DPYD: variants seen among roughly 807,000 people sequenced by gnomAD.
The protein encoded by DPYD is dihydropyrimidine dehydrogenase.
A neutral mutation model predicts 116.2 loss-of-function variants in DPYD; 109 were observed. That is an observed-to-expected ratio of 0.94 (90% CI 0.80 to 1.10). DPYD has a LOEUF of 1.10. Among genes scored for constraint, DPYD ranks in the 50% least tolerant of loss-of-function variants. The probability of loss-of-function intolerance (pLI) is 0.00; values close to 1 mark genes in which losing one functional copy is unlikely to be tolerated. For missense variants in DPYD, 1,302 were observed against 1,254.5 expected (o/e 1.04, Z -0.57); for synonymous variants, 440 against 432.0 (o/e 1.02, Z -0.23).
At chr1:97,358,563 C>T (rs918648370) in intron 16 of DPYD, among the ~76,000 whole-genome samples, 1 of 152,154 alleles carries the variant, frequency 6.6e-6, no homozygotes, top group African/African-American at 2.4e-5. Flanking sequence ...GGCCGACAGA[C>T]ACCACATATA....
rs1672373613 is a variant in DPYD, at chr1:97,884,191, T to G, written c.40-817A>C. Among the ~76,000 whole-genome samples, 4 of 152,022 alleles carry G rather than the reference T, an allele frequency of 2.6e-5. No homozygotes were observed. In the South Asian group the frequency reaches 8.3e-4, roughly 32 times the overall value. On this transcript the variant is annotated intron_variant, in intron 1 of 22. Transcript: ENST00000370192. ...AATTGTTATTGTATTTTCTACTAAT[T>G]AGCCAGAAGCAATTCTTGACCAGAA...
intron 21 of DPYD, among the ~76,000 whole-genome samples, chr1:97,095,725 T>C (rs1362107070): frequency 6.6e-6 from 1 of 152,076 alleles, no homozygotes; most frequent in Non-Finnish European, 1.5e-5. Context: ...TTATTTGTTA[T>C]AACAGATTTA....
intron 18 of DPYD, among the ~76,000 whole-genome samples, chr1:97,299,131 G>A (rs1445145340): frequency 1.3e-5 from 2 of 152,150 alleles, no homozygotes; most frequent in South Asian, 2.1e-4. Context: ...AGCCACTGAC[G>A]TGTACCTACA....
chr1:97,689,612 T>C lies in DPYD; in HGVS notation c.762+2105A>G, dbSNP rs184964694. Among the ~76,000 whole-genome samples, 109 of 152,122 alleles carry C rather than the reference T, an allele frequency of 7.2e-4. 1 individual carries two copies. The highest frequency in any genetic ancestry group is 7.1e-3 in the Admixed American group (109 of 15,276). ...GTCAAACAGTATGAACCCACAAAAA[T>C]AGTTCATTTCATTGCCAGGAAATTA... On this transcript the variant is annotated intron_variant, in intron 7 of 22. Transcript: ENST00000370192.
At chr1:97,616,848 TTAGA>T (rs2100760590) in intron 8 of DPYD, among the ~76,000 whole-genome samples, 1 of 152,318 alleles carries the variant, frequency 6.6e-6, no homozygotes, top group Non-Finnish European at 1.5e-5. Context: ...CCTAAGATTA[TTAGA>T]GTAGTGATTT....
intron 4 of DPYD, among the ~76,000 whole-genome samples, chr1:97,740,189 A>G (rs1198378168): frequency 2.0e-5 from 3 of 152,178 alleles, no homozygotes; most frequent in African/African-American, 7.2e-5. Flanking sequence ...TCAAAACAAA[A>G]AACAATGAAC....
chr1:97,649,032 G>A (rs1015803774), intron 8 of DPYD, among the ~76,000 whole-genome samples: 5 of 151,900 alleles, frequency 3.3e-5, no homozygotes, highest in Admixed American at 3.3e-4. Context: ...TTAGTAAGAA[G>A]AACAAATCTC....
At chr1:97,315,224 G>T (rs904752540) in intron 16 of DPYD, among the ~76,000 whole-genome samples, 1 of 151,936 alleles carries the variant, frequency 6.6e-6, no homozygotes, top group African/African-American at 2.4e-5. Context: ...GGAGTGTGGT[G>T]AGCTGACTGC....
chr1:97,412,261 C>T (rs1215468946), intron 14 of DPYD, among the ~76,000 whole-genome samples: 2 of 152,188 alleles, frequency 1.3e-5, no homozygotes, highest in South Asian at 2.1e-4. Flanking sequence ...GAAGATAATA[C>T]ACTGAAGGCT....
At chr1:97,409,317 A>G (rs1673848798) in intron 14 of DPYD, among the ~76,000 whole-genome samples, 1 of 152,156 alleles carries the variant, frequency 6.6e-6, no homozygotes, top group African/African-American at 2.4e-5. Context: ...TGCATGTTCA[A>G]TTAGATAATC....
At chr1:97,136,395 G>A (rs141711789) in intron 20 of DPYD, among the ~76,000 whole-genome samples, 9 of 152,250 alleles carry the variant, frequency 5.9e-5, no homozygotes, top group Admixed American at 3.3e-4. Flanking sequence ...AAAATGAGAG[G>A]CATGTCTCAT....
intron 13 of DPYD, among the ~76,000 whole-genome samples, chr1:97,458,514 G>T (rs551107088): frequency 6.6e-6 from 1 of 152,242 alleles, no homozygotes; most frequent in South Asian, 2.1e-4. Flanking sequence ...TAACTATTGG[G>T]TGGTGTTTAC....
At position 97,088,631 on chromosome 1, in the gene DPYD, T is replaced by A. The variant is rs1224995141; in HGVS notation, c.2767-6161A>T. Among the ~76,000 whole-genome samples, 4 of 152,118 alleles carry A rather than the reference T, an allele frequency of 2.6e-5. No individual in the cohort carries two copies. In the East Asian group the frequency reaches 7.7e-4, roughly 29 times the overall value. On this transcript the variant is annotated intron_variant, in intron 21 of 22. Transcript: ENST00000370192. ...TCTCCTGCAGCTGCTTCCTCCATAC[T>A]CCACCCTGAGGTTTGTGGATTTCCA...
chr1:97,666,278 T>C (rs186067793), intron 8 of DPYD, among the ~76,000 whole-genome samples: 7 of 152,214 alleles, frequency 4.6e-5, no homozygotes, highest in African/African-American at 4.8e-5. Flanking sequence ...GCTCAAGTGA[T>C]TCTCCCACTT....
Position 97,554,903 on chromosome 1 carries a change from T to C in DPYD, c.1340-5159A>G, listed in dbSNP as rs150868864. Among the ~76,000 whole-genome samples the C allele has an allele frequency of 7.5e-4, 114 of 152,244 alleles. No homozygotes were observed. In the East Asian group the frequency reaches 0.022, roughly 29 times the overall value. ...ACACTGTCTCTTACTCTTTTCAGTA[T>C]ATTGTATGTGTCATTTTCTCCTCTC... On this transcript the variant is annotated intron_variant, in intron 11 of 22. Coordinates refer to ENST00000370192, the MANE Select transcript of DPYD (RefSeq NM_000110.4).
In DPYD at chr1:97,577,244, G is replaced by A. The variant is rs72732332; in HGVS notation, c.1129-3274C>T. Among the ~76,000 whole-genome samples the A allele has an allele frequency of 4.8e-3, 729 of 152,194 alleles. 11 individuals carry two copies. Among genetic ancestry groups the A allele is most frequent in the African/African-American group, 0.016 (676 of 41,516 alleles). On this transcript the variant is annotated intron_variant, in intron 10 of 22. Transcript: ENST00000370192. ...TACTCTACCTCCCTGCAGCACCCCC[G>A]TTTCTCAGTGTGGTGGATCAAGATA...
At chr1:97,612,611 G>A (rs1282103583) in intron 8 of DPYD, among the ~76,000 whole-genome samples, 1 of 151,924 alleles carries the variant, frequency 6.6e-6, no homozygotes, top group Non-Finnish European at 1.5e-5. Flanking sequence ...CAACAATTAA[G>A]GAAGGCACCA....
chr1:97,246,632 G>A (rs900569884), intron 18 of DPYD, among the ~76,000 whole-genome samples: 5 of 152,096 alleles, frequency 3.3e-5, no homozygotes, highest in African/African-American at 7.2e-5. Flanking sequence ...CTCAGGTTGG[G>A]AAATGGTATA....
intron 8 of DPYD, among the ~76,000 whole-genome samples, chr1:97,612,348 T>C (rs1655997735): frequency 6.6e-6 from 1 of 152,030 alleles, no homozygotes; most frequent in South Asian, 2.1e-4. Flanking sequence ...GCTGTGGCTT[T>C]TAATCTTTTC....
Sources: allele counts gnomAD v4.1 joint callset (sites outside exome capture counted in the v4.1 genomes callset), GRCh38; gene constraint gnomAD v4.1.1; transcripts MANE v1.5; gene names NCBI Gene and HGNC (gene_info 2026-07-23, HGNC 2026-07-21).